Variants in MYO16 observed in about 807,000 individuals in gnomAD.
MYO16 encodes unconventional myosin-XVI.
A neutral mutation model predicts 205.3 loss-of-function variants in MYO16; 94 were observed. That is an observed-to-expected ratio of 0.46 (90% confidence interval 0.39 to 0.54). MYO16 has a LOEUF of 0.54. MYO16 is among the 20% of genes least tolerant of loss of function. MYO16 has a pLI of 0.00. For missense variants in MYO16, 2,315 were observed against 2,387.5 expected (o/e 0.97, Z 0.63); for synonymous variants, 988 against 954.0 (o/e 1.04, Z -0.66).
At chr13:109,100,533 T>C (rs1888927680) in intron 27 of MYO16, among the ~76,000 whole-genome samples, 2 of 152,258 alleles carry the variant, frequency 1.3e-5, no homozygotes, top group South Asian at 4.1e-4. Flanking sequence ...AAGTGCTTCA[T>C]GACAGTGCTA....
chr13:109,147,568 C>T (rs772941467), intron 32 of MYO16, among the ~76,000 whole-genome samples: 15 of 152,160 alleles, frequency 9.9e-5, no homozygotes, highest in Non-Finnish European at 2.1e-4. Context: ...TTAGCATCCC[C>T]CAGGCTTCTT....
At chr13:108,736,496 G>A (rs1365995736) in intron 4 of MYO16, among the ~76,000 whole-genome samples, 8 of 152,108 alleles carry the variant, frequency 5.3e-5, no homozygotes, top group Admixed American at 1.3e-4. Flanking sequence ...CGTTCCATTG[G>A]TCTATATCTC....
At chr13:109,013,683 T>C (rs1403131485) in intron 22 of MYO16, among the ~76,000 whole-genome samples, 1 of 152,206 alleles carries the variant, frequency 6.6e-6, no homozygotes, top group Non-Finnish European at 1.5e-5. Flanking sequence ...TGGTATCTCA[T>C]TGTGGTTTTG....
intron 4 of MYO16, 40 bp downstream of exon 4, chr13:108,727,623 G>A (rs1884386112): frequency 3.2e-6 from 5 of 1,582,236 alleles, no homozygotes; most frequent in African/African-American, 1.4e-5. Flanking sequence ...AAGATTTGAT[G>A]GCATGTAAAA....
chr13:108,563,890 C>T, the MYO16 span, among the ~76,000 whole-genome samples: 2 of 152,108 alleles, frequency 1.3e-5, no homozygotes, highest in Non-Finnish European at 2.9e-5. Flanking sequence ...TATGGTAGTT[C>T]TACTTTTAGT....
chr13:108,900,059 A>T (rs1880634698), intron 15 of MYO16, among the ~76,000 whole-genome samples: 1 of 152,212 alleles, frequency 6.6e-6, no homozygotes, highest in African/African-American at 2.4e-5. Context: ...TTTTCTTCTC[A>T]ATTTCATGTT....
At chr13:109,121,279 A>C (rs936099198) in intron 29 of MYO16, among the ~76,000 whole-genome samples, 1 of 152,116 alleles carries the variant, frequency 6.6e-6, no homozygotes, top group South Asian at 2.1e-4. Flanking sequence ...TGGGTCTTCC[A>C]GGGTTAATGA....
At chr13:109,075,820 T>C (rs1026823233) in intron 27 of MYO16, among the ~76,000 whole-genome samples, 2 of 151,076 alleles carry the variant, frequency 1.3e-5, no homozygotes, top group African/African-American at 4.9e-5. Context: ...GGATATTCAA[T>C]TGGCAAACGT....
intron 15 of MYO16, among the ~76,000 whole-genome samples, chr13:108,905,826 T>C (rs935544547): frequency 2.0e-5 from 3 of 152,084 alleles, no homozygotes; most frequent in African/African-American, 7.2e-5. Context: ...ACATAGAGAG[T>C]CCATAAGGCC....
chr13:108,982,334 C>T (rs1884473531), intron 20 of MYO16, among the ~76,000 whole-genome samples: 1 of 152,154 alleles, frequency 6.6e-6, no homozygotes, highest in Non-Finnish European at 1.5e-5. Flanking sequence ...TATCTCATAG[C>T]ATCATATTAT....
At chr13:109,199,923 CT>C (rs1414523072) in intron 34 of MYO16, among the ~76,000 whole-genome samples, 1 of 152,044 alleles carries the variant, frequency 6.6e-6, no homozygotes, top group Admixed American at 6.6e-5. Flanking sequence ...ATTTTAAATG[CT>C]TTGTATTGTT....
chr13:108,563,111 T>G, the MYO16 span, among the ~76,000 whole-genome samples: 9 of 152,222 alleles, frequency 5.9e-5, no homozygotes, highest in Non-Finnish European at 1.0e-4. Flanking sequence ...GGGAAATGCT[T>G]TCTGCGTTTT....
chr13:109,037,208 G>T (rs543374021), intron 23 of MYO16, among the ~76,000 whole-genome samples: 1 of 152,326 alleles, frequency 6.6e-6, no homozygotes, highest in South Asian at 2.1e-4. Context: ...CACTGGCCTT[G>T]TCTGCACTGT....
At chr13:108,527,542 A>C in the MYO16 span, among the ~76,000 whole-genome samples, 408 of 152,288 alleles carry the variant, frequency 2.7e-3, 3 homozygotes, top group African/African-American at 9.1e-3. Context: ...TATGAGGCTT[A>C]TAATTTTCTC....
the MYO16 span, among the ~76,000 whole-genome samples, chr13:108,568,454 A>AT: frequency 6.6e-6 from 1 of 152,010 alleles, no homozygotes; most frequent in East Asian, 1.9e-4. Flanking sequence ...TATATTCAGC[A>AT]TTTTTTATGT....
At chr13:109,142,273 A>G (rs907410725) in intron 32 of MYO16, among the ~76,000 whole-genome samples, 3 of 152,210 alleles carry the variant, frequency 2.0e-5, no homozygotes, top group Non-Finnish European at 4.4e-5. Context: ...TTTGTATACA[A>G]AACCAAAATG....
intron 3 of MYO16, among the ~76,000 whole-genome samples, chr13:108,718,579 G>A (rs1392543973): frequency 6.6e-6 from 1 of 151,998 alleles, no homozygotes; most frequent in Non-Finnish European, 1.5e-5. Flanking sequence ...AGCGGGCACA[G>A]CCAGGCAAGT....
chr13:108,640,364 G>A (rs1880450134), intron 1 of MYO16, among the ~76,000 whole-genome samples: 1 of 152,142 alleles, frequency 6.6e-6, no homozygotes, highest in Admixed American at 6.5e-5. Flanking sequence ...GCAGGGCCAG[G>A]GGAGAGGAGG....
intron 2 of MYO16, among the ~76,000 whole-genome samples, chr13:108,710,744 G>A (rs951979939): frequency 2.6e-5 from 4 of 152,122 alleles, no homozygotes; most frequent in African/African-American, 9.7e-5. Context: ...ATAATTCACT[G>A]TGTGTCTGCA....
Sources: allele counts gnomAD v4.1 joint callset (sites outside exome capture counted in the v4.1 genomes callset), GRCh38; gene constraint gnomAD v4.1.1; transcripts MANE v1.5; gene names NCBI Gene and HGNC (gene_info 2026-07-23, HGNC 2026-07-21).